GCM1: variants seen among roughly 807,000 people sequenced by gnomAD.
GCM1 encodes the protein GCM transcription factor 1.
GCM1 carries 2 observed loss-of-function variants against 25.7 expected under a neutral mutation model. The observed-to-expected ratio is 0.08, with a 90% confidence interval of 0.03 to 0.24. The LOEUF is 0.24. Ranked by LOEUF, GCM1 falls within the 10% of genes least tolerant of loss-of-function variation. The probability of loss-of-function intolerance (pLI) is 1.00; values close to 1 mark genes in which losing one functional copy is unlikely to be tolerated. For missense variants in GCM1, 395 were observed against 538.7 expected, an observed-to-expected ratio of 0.73 and a Z score of 2.64; for synonymous variants, 183 against 195.7, an observed-to-expected ratio of 0.94 and a Z score of 0.54.
Position 53,145,741 on chromosome 6 carries a change from C to A in GCM1, c.-109G>T. ...ATAGCTGGATCGGCCCACTCAAGCA[C>A]CTTGGACCAGGAGATTGTTTTCTAG... On this transcript the variant is annotated 5_prime_UTR_variant, in exon 2 of 6. Transcript: ENST00000259803. 1.5e-6 allele frequency: 1 copy of A among 682,056 alleles called. No individual in the cohort carries two copies. Among genetic ancestry groups the A allele is most frequent in the Non-Finnish European group, 2.6e-6 (1 of 381,582 alleles). 42.3% of individuals were successfully genotyped at this position (682,056 alleles called of 1,614,324 possible). A position where few individuals can be genotyped will look rare whatever the true frequency, so the allele number is the denominator to read the frequency against.
intron 4 of GCM1, among the ~76,000 whole-genome samples, chr6:53,131,341 G>C (rs1409943710): frequency 6.6e-6 from 1 of 152,166 alleles, no homozygotes; most frequent in East Asian, 1.9e-4. Context: ...TAGAAGTGAG[G>C]GACCTAGGAT....
intron 2 of GCM1, among the ~76,000 whole-genome samples, chr6:53,137,180 G>C (rs1763814021): frequency 6.6e-6 from 1 of 152,174 alleles, no homozygotes; most frequent in Admixed American, 6.5e-5. Flanking sequence ...TGGTCCATCA[G>C]GCAGCTGCAG....
intron 2 of GCM1, among the ~76,000 whole-genome samples, chr6:53,137,561 G>T (rs574663540): frequency 1.4e-4 from 21 of 152,250 alleles, no homozygotes; most frequent in African/African-American, 4.1e-4. Context: ...GCCAAGGCTG[G>T]AGGATTGCTT....
At chr6:53,142,870 CAAAAAAAAAAAAAAAAAAAAA>C (rs60718730) in intron 2 of GCM1, among the ~76,000 whole-genome samples, 3 of 37,512 alleles carry the variant, frequency 8.0e-5, no homozygotes, top group African/African-American at 1.4e-4. Context: ...CAAGGATCTC[CAAAAAAAAAAAAAAAAAAAAA>C]AAAAAAAAAA....
intron 5 of GCM1, 60 bp downstream of exon 5, chr6:53,130,743 G>GC: frequency 1.4e-6 from 2 of 1,446,732 alleles, no homozygotes; most frequent in Non-Finnish European, 1.9e-6. Flanking sequence ...GAAATCTACC[G>GC]CCCCCAGCAC....
chr6:53,142,020 A>G (rs1763880845), intron 2 of GCM1, among the ~76,000 whole-genome samples: 4 of 137,342 alleles, frequency 2.9e-5, no homozygotes, highest in African/African-American at 5.3e-5. Flanking sequence ...AAAAAAAAAA[A>G]AAAAAAAAAA....
At position 53,145,763 on chromosome 6, in the gene GCM1, C is replaced by T. The variant is rs1366495174; in HGVS notation, c.-131G>A. 3 of 618,450 alleles carry T rather than the reference C, an allele frequency of 4.9e-6. No individual in the cohort carries two copies. The highest frequency in any genetic ancestry group is 8.6e-6 in the Non-Finnish European group (3 of 348,218). 38.3% of individuals were successfully genotyped at this position (618,450 alleles called of 1,614,324 possible). On this transcript the variant is annotated 5_prime_UTR_variant, in exon 2 of 6. Coordinates refer to ENST00000259803, the MANE Select transcript of GCM1 (RefSeq NM_003643.4). The stretch of plus-strand genomic sequence containing the variant: ...GCACCTTGGACCAGGAGATTGTTTT[C>T]TAGGGCTAAAAAAATAAGTTATATT...
At chr6:53,145,017 A>C (rs6906420) in intron 2 of GCM1, among the ~76,000 whole-genome samples, 250 of 152,144 alleles carry the variant, frequency 1.6e-3, no homozygotes, top group African/African-American at 5.8e-3. Flanking sequence ...AAAGAAAGAA[A>C]GAAAAAAGGA....
chr6:53,143,406 A>G (rs1581855638), intron 2 of GCM1, among the ~76,000 whole-genome samples: 1 of 152,118 alleles, frequency 6.6e-6, no homozygotes, highest in Non-Finnish European at 1.5e-5. Flanking sequence ...CTGTCCCAGA[A>G]AAAATTGCCA....
chr6:53,133,901 A>G (rs1763760976), intron 3 of GCM1, among the ~76,000 whole-genome samples, 171 bp downstream of exon 3: 1 of 152,124 alleles, frequency 6.6e-6, no homozygotes, highest in South Asian at 2.1e-4. Context: ...CTGGAGCACA[A>G]GGGATCTGGT....
intron 2 of GCM1, among the ~76,000 whole-genome samples, chr6:53,142,870 C>CAAAAAAAAAAAAAAA (rs60718730): frequency 2.1e-4 from 8 of 37,534 alleles, no homozygotes; most frequent in Admixed American, 9.9e-4. Flanking sequence ...CAAGGATCTC[C>CAAAAAAAAAAAAAAA]AAAAAAAAAA....
At chr6:53,142,054 GAA>G (rs1232066719) in intron 2 of GCM1, among the ~76,000 whole-genome samples, 2 of 58,672 alleles carry the variant, frequency 3.4e-5, no homozygotes, top group Admixed American at 2.1e-4. Context: ...GAAAGAAAAA[GAA>G]AGAAAGAAGG....
rs753123610 is a variant in GCM1 at position 53,132,024 on chromosome 6, G to T, written c.424C>A (p.Arg142Ser). The change falls in exon 4 of 6, where the codon CGC becomes AGC. Residue 142 changes from arginine (R) to serine (S), a missense_variant. Arg to Ser is a moderately radical substitution (Grantham distance 110). Around this residue, in one of 5 missense-constraint regions of GCM1, gnomAD observed 32 missense variants for 97.7 expected, o/e 0.33. Coordinates refer to ENST00000259803, the MANE Select transcript of GCM1 (RefSeq NM_003643.4). ...PVTNFWRHDG[R>S]FIFFQSKGEH... ...AATCCAACCTGGAAAAATATAAAGCGTCCGTCGTGCCTCCAGAAGTTGGTG... is the reference window on the plus strand; with the variant it reads ...AATCCAACCTGGAAAAATATAAAGCTTCCGTCGTGCCTCCAGAAGTTGGTG... The T allele has an allele frequency of 6.2e-7, 1 of 1,605,002 alleles. No homozygotes were observed. Among genetic ancestry groups the T allele is most frequent in the Non-Finnish European group, 8.5e-7 (1 of 1,171,804 alleles).
At chr6:53,130,363 G>A (rs764979278) in intron 5 of GCM1, among the ~76,000 whole-genome samples, 6 of 152,138 alleles carry the variant, frequency 3.9e-5, no homozygotes, top group Non-Finnish European at 5.9e-5. Context: ...TATCATTTTC[G>A]GAAACTGCTT....
rs1223691364 is a variant in GCM1 at position 53,128,028 on chromosome 6, CAAAAAAAAAAAA to C, written c.*166_*177del. On this transcript the variant is annotated 3_prime_UTR_variant, in exon 6 of 6. Coordinates refer to ENST00000259803, the MANE Select transcript of GCM1 (RefSeq NM_003643.4). The stretch of plus-strand genomic sequence containing the variant: ...TGGGCAAAAGAGCAAGACTCTGTCT[CAAAAAAAAAAAA>C]AAAAAAAAAAAAAGAAGGAAAAAAG... The C allele has an allele frequency of 7.5e-5, 5 of 66,444 alleles. No individual in the cohort carries two copies. The highest frequency in any genetic ancestry group is 2.8e-4 in the Admixed American group (1 of 3,574). The allele number at this position is 66,444 out of a possible 1,614,324, so 4.1% of individuals were successfully genotyped here.
intron 2 of GCM1, among the ~76,000 whole-genome samples, chr6:53,140,992 A>T (rs553558014): frequency 2.0e-5 from 3 of 152,304 alleles, no homozygotes; most frequent in African/African-American, 7.2e-5. Context: ...TGACATAAAT[A>T]ATAGATGGTT....
intron 2 of GCM1, 56 bp downstream of exon 2, chr6:53,145,502 A>AT: frequency 1.1e-6 from 1 of 898,190 alleles, no homozygotes; most frequent in East Asian, 2.4e-5. Flanking sequence ...CCGCATGTTA[A>AT]TAGTCAAGAC....
Position 53,128,597 on chromosome 6 carries a change from T to A in GCM1, c.920A>T (p.His307Leu), listed in dbSNP as rs376111326. ...ATTGGAATAACAGTTGTCAGCAAGATGATTTCTCCCCAAAGCAGCATTTTT... is the reference window on the plus strand; with the variant it reads ...ATTGGAATAACAGTTGTCAGCAAGAAGATTTCTCCCCAAAGCAGCATTTTT... ...WSKNAALGRN[H>L]LADNCYSNYP... Residue 307 changes from histidine (H) to leucine (L), a missense_variant, in exon 6 of 6, where the codon CAT (histidine) becomes CTT (leucine). Around this residue, in one of 5 missense-constraint regions of GCM1, gnomAD observed 291 missense variants for 314.6 expected, o/e 0.92. Coordinates refer to ENST00000259803, the MANE Select transcript of GCM1 (RefSeq NM_003643.4). 1.2e-6 allele frequency: 2 copies of A among 1,614,018 alleles called. No homozygotes were observed. The highest frequency in any genetic ancestry group is 2.7e-5 in the African/African-American group (2 of 74,914).
Position 53,137,304 on chromosome 6 carries a change from C to T in GCM1, c.76-2980G>A, listed in dbSNP as rs145071576. Among the ~76,000 whole-genome samples the T allele has an allele frequency of 3.1e-3, 472 of 152,264 alleles. 4 individuals are homozygous for T. Among genetic ancestry groups the T allele is most frequent in the African/African-American group, 9.3e-3 (388 of 41,552 alleles). On this transcript the variant is annotated intron_variant, in intron 2 of 5. Transcript: ENST00000259803. The stretch of plus-strand genomic sequence containing the variant: ...TTTGGGCTTGCTGAGACTCAATGCC[C>T]GGGGTGAGAGAAGCTCCCCAGGCAG...
Sources: gnomAD v4.1 joint callset for allele counts (sites outside exome capture counted in the v4.1 genomes callset) on GRCh38, gnomAD v4.1.1 for gene constraint, gnomAD v4.1.1 regional missense constraint, MANE v1.5 for transcripts, NCBI Gene and HGNC (gene_info 2026-07-23, HGNC 2026-07-21) for gene names.